The following PTPRN2 variants were observed in gnomAD, a reference collection of about 807,000 sequenced individuals.
The protein encoded by PTPRN2 is receptor-type tyrosine-protein phosphatase N2.
In PTPRN2, 74 loss-of-function variants were observed where a neutral mutation model predicts 118.8. The ratio of observed to expected loss-of-function variants is 0.62; its 90% CI spans 0.52 to 0.76. The LOEUF is 0.76. PTPRN2 is among the 30% of genes least tolerant of loss of function. PTPRN2 has a pLI of 0.00. For synonymous variants in PTPRN2, 641 were observed against 608.0 expected (o/e 1.05, Z -0.80); for missense variants, 1,481 against 1,394.4 (o/e 1.06, Z -0.99).
chr7:157,822,021 CCTCT>C (rs1273279084), intron 12 of PTPRN2, among the ~76,000 whole-genome samples: 1 of 150,766 alleles, frequency 6.6e-6, no homozygotes, highest in Non-Finnish European at 1.5e-5. Flanking sequence ...TCCATCCCTC[CCTCT>C]ATCTATACAC....
At chr7:157,934,790 T>G (rs1799600508) in intron 11 of PTPRN2, among the ~76,000 whole-genome samples, 1 of 152,350 alleles carries the variant, frequency 6.6e-6, no homozygotes, top group South Asian at 2.1e-4. Context: ...CTCCAACTGC[T>G]GTGATTTCCC....
At chr7:157,714,951 C>T (rs1467614576) in intron 12 of PTPRN2, among the ~76,000 whole-genome samples, 4 of 152,170 alleles carry the variant, frequency 2.6e-5, no homozygotes, top group Non-Finnish European at 4.4e-5. Flanking sequence ...CTGGGTCTCC[C>T]GCTTTCCGAG....
At position 158,394,543 on chromosome 7, in the gene PTPRN2, G is replaced by T. The variant is rs1013072070; in HGVS notation, c.164-77611C>A. On this transcript the variant is annotated intron_variant, in intron 2 of 22. Coordinates refer to ENST00000389418, the MANE Select transcript of PTPRN2 (RefSeq NM_002847.5). ...ACCTGGTGAGAATGGAGCAGCCCTG[G>T]TTCCCTGAGCACCCCCTTCAGAGCT... 3.3e-5 allele frequency among the ~76,000 whole-genome samples: 5 copies of T among 152,328 alleles called. No individual in the cohort carries two copies. In the East Asian group the frequency reaches 7.7e-4, roughly 24 times the overall value.
chr7:157,923,165 C>T (rs1024165619), intron 11 of PTPRN2, among the ~76,000 whole-genome samples: 1 of 152,250 alleles, frequency 6.6e-6, no homozygotes, highest in Non-Finnish European at 1.5e-5. Flanking sequence ...ACACTGCATG[C>T]TTTTAGAGAC....
intron 11 of PTPRN2, among the ~76,000 whole-genome samples, chr7:158,017,884 T>C (rs1371190073): frequency 6.6e-6 from 1 of 152,138 alleles, no homozygotes; most frequent in Non-Finnish European, 1.5e-5. Context: ...CCCCTTCTTT[T>C]AATTTTGCAT....
intron 19 of PTPRN2, among the ~76,000 whole-genome samples, chr7:157,573,386 C>G (rs777093346): frequency 1.3e-5 from 2 of 152,252 alleles, no homozygotes; most frequent in Non-Finnish European, 2.9e-5. Context: ...TGGGAATGAC[C>G]TCAGTTCTGC....
intron 9 of PTPRN2, among the ~76,000 whole-genome samples, chr7:158,129,244 GACACCCCACACTACACACCAC>G (rs1817960563): frequency 8.1e-6 from 1 of 123,684 alleles, no homozygotes; most frequent in African/African-American, 3.3e-5. Flanking sequence ...ACACACAACA[GACACCCCACACTACACACCAC>G]ACACTACACA....
At chr7:158,182,558 G>A (rs1028065273) in intron 5 of PTPRN2, among the ~76,000 whole-genome samples, 1 of 152,042 alleles carries the variant, frequency 6.6e-6, no homozygotes, top group African/African-American at 2.4e-5. Flanking sequence ...CCACTTATAT[G>A]TGAGAACATG....
intron 2 of PTPRN2, among the ~76,000 whole-genome samples, chr7:158,463,312 T>C (rs886206333): frequency 9.2e-5 from 14 of 152,234 alleles, no homozygotes; most frequent in Admixed American, 7.8e-4. Flanking sequence ...ACCATCATCA[T>C]CATTACTATC....
At chr7:158,522,267 A>G (rs113725112) in intron 1 of PTPRN2, among the ~76,000 whole-genome samples, 467 of 15,798 alleles carry the variant, frequency 0.03, 27 homozygotes, top group Middle Eastern at 0.094. Flanking sequence ...TGGACTGTCC[A>G]GGTGCTGGCT....
chr7:157,855,467 G>A lies in PTPRN2; in HGVS notation c.1788+43206C>T, dbSNP rs1463566975. Among the ~76,000 whole-genome samples, 6 of 152,326 alleles carry A rather than the reference G, an allele frequency of 3.9e-5. No individual in the cohort carries two copies. The East Asian group carries it at 5.8e-4, about 15-fold the overall frequency. ...TTGAAGCTAAACGCTGAGTGGTGCC[G>A]CTTCTTGGGGAGCTCAAGGCCAGCA... On this transcript the variant is annotated intron_variant, in intron 12 of 22. Coordinates refer to ENST00000389418, the MANE Select transcript of PTPRN2 (RefSeq NM_002847.5).
chr7:157,715,948 C>G (rs967222926), intron 12 of PTPRN2, among the ~76,000 whole-genome samples: 6 of 152,252 alleles, frequency 3.9e-5, no homozygotes, highest in African/African-American at 1.4e-4. Flanking sequence ...TACACCAGCT[C>G]TGGGGTTCCA....
At chr7:158,143,075 C>G (rs1819536727) in intron 6 of PTPRN2, among the ~76,000 whole-genome samples, 1 of 152,184 alleles carries the variant, frequency 6.6e-6, no homozygotes, top group Non-Finnish European at 1.5e-5. Flanking sequence ...AGTCTCCTCC[C>G]ACCACAGATC....
At position 157,868,068 on chromosome 7, in the gene PTPRN2, G is replaced by A. The variant is rs535402131; in HGVS notation, c.1788+30605C>T. Among the ~76,000 whole-genome samples the A allele has an allele frequency of 1.8e-4, 27 of 152,316 alleles. No individual in the cohort carries two copies. Among genetic ancestry groups the A allele is most frequent in the African/African-American group, 6.0e-4 (25 of 41,568 alleles). ...CCTGAGTCCTCTAGGAACCCAGCCC[G>A]CATCCTGGGCAAGAGGCCCACATGC... On this transcript the variant is annotated intron_variant, in intron 12 of 22. Coordinates refer to ENST00000389418, the MANE Select transcript of PTPRN2 (RefSeq NM_002847.5). This position sits in a 1 kb window ranked among gnomAD's most constrained non-coding sequence, Gnocchi z 5.2.
chr7:158,522,473 A>C (rs10278868), intron 1 of PTPRN2, among the ~76,000 whole-genome samples: 1 of 94,050 alleles, frequency 1.1e-5, no homozygotes, highest in Non-Finnish European at 2.4e-5. Context: ...GGTCCACGTC[A>C]GAATGGTGGA....
At chr7:158,260,502 GAA>G (rs1391383890) in intron 3 of PTPRN2, among the ~76,000 whole-genome samples, 1 of 152,170 alleles carries the variant, frequency 6.6e-6, no homozygotes, top group Non-Finnish European at 1.5e-5. Context: ...AGAAGGCCTA[GAA>G]AAAGAGTCTA....
intron 12 of PTPRN2, among the ~76,000 whole-genome samples, chr7:157,757,543 C>A (rs773872890): frequency 6.6e-6 from 1 of 151,510 alleles, no homozygotes; most frequent in Non-Finnish European, 1.5e-5. Context: ...GTCTTCCAGT[C>A]GGGGAAGGCG....
At chr7:157,973,988 G>C (rs969162039) in intron 11 of PTPRN2, among the ~76,000 whole-genome samples, 1 of 152,172 alleles carries the variant, frequency 6.6e-6, no homozygotes, top group Non-Finnish European at 1.5e-5. Flanking sequence ...CTTCCTTCCA[G>C]AGTGAATGCC....
chr7:157,888,227 C>T (rs74856904), intron 12 of PTPRN2, among the ~76,000 whole-genome samples: 2 of 152,044 alleles, frequency 1.3e-5, no homozygotes, highest in Non-Finnish European at 1.5e-5. Flanking sequence ...AGTGGTCCCC[C>T]CAGGCTTCTA....
Sources: allele counts gnomAD v4.1 joint callset (sites outside exome capture counted in the v4.1 genomes callset), GRCh38; gene constraint gnomAD v4.1.1; non-coding constraint Gnocchi (gnomAD v3.1); transcripts MANE v1.5; gene names NCBI Gene and HGNC (gene_info 2026-07-23, HGNC 2026-07-21).